The following ATP2B2 variants were observed in gnomAD, a reference collection of about 807,000 sequenced individuals.
ATP2B2 encodes the protein plasma membrane calcium-transporting ATPase 2.
In ATP2B2, 15 loss-of-function variants were observed where a neutral mutation model predicts 120.0. The observed-to-expected ratio is 0.12, with a 90% CI of 0.08 to 0.19. ATP2B2 has a LOEUF of 0.19. ATP2B2 is among the 10% of genes least tolerant of loss of function. The probability of loss-of-function intolerance (pLI) is 1.00; values close to 1 mark genes in which losing one functional copy is unlikely to be tolerated. For synonymous variants in ATP2B2, 694 were observed against 700.3 expected (o/e 0.99, Z 0.14); for missense variants, 1,045 against 1,719.8 (o/e 0.61, Z 6.94).
At chr3:10,469,485 G>A (rs1412633198) in intron 1 of ATP2B2, among the ~76,000 whole-genome samples, 2 of 152,202 alleles carry the variant, frequency 1.3e-5, no homozygotes, top group Non-Finnish European at 2.9e-5. Context: ...GATATGATTT[G>A]TTAAGCGTGG....
At chr3:10,540,456 C>T (rs1057013014) in intron 2 of ATP2B2, among the ~76,000 whole-genome samples, 3 of 152,082 alleles carry the variant, frequency 2.0e-5, no homozygotes, top group Admixed American at 1.3e-4. Context: ...ATATCAAAGA[C>T]TTGGAACCAA....
At chr3:10,468,031 C>T (rs2064823712) in intron 1 of ATP2B2, among the ~76,000 whole-genome samples, 1 of 152,222 alleles carries the variant, frequency 6.6e-6, no homozygotes, top group African/African-American at 2.4e-5. Flanking sequence ...GTGCACATGA[C>T]CTCGACACTC....
At chr3:10,600,623 A>G (rs1455065220) in intron 2 of ATP2B2, among the ~76,000 whole-genome samples, 1 of 152,220 alleles carries the variant, frequency 6.6e-6, no homozygotes, top group Non-Finnish European at 1.5e-5. Flanking sequence ...CAAACTCCAG[A>G]CGGGGCTGGT....
intron 8 of ATP2B2, among the ~76,000 whole-genome samples, chr3:10,383,873 C>T (rs1272421209): frequency 6.6e-6 from 1 of 152,204 alleles, no homozygotes; most frequent in Non-Finnish European, 1.5e-5. Context: ...ACTGGCCAGC[C>T]TGGATGGGGT....
intron 1 of ATP2B2, among the ~76,000 whole-genome samples, chr3:10,475,311 C>T (rs2065162276): frequency 6.6e-6 from 1 of 152,198 alleles, no homozygotes; most frequent in Non-Finnish European, 1.5e-5. Flanking sequence ...GGGACTTGTC[C>T]TGCAGGGGTC....
intron 1 of ATP2B2, among the ~76,000 whole-genome samples, chr3:10,651,984 TC>T (rs531861080): frequency 1.4e-4 from 21 of 152,174 alleles, no homozygotes; most frequent in Non-Finnish European, 2.8e-4. Context: ...TATACCAGGT[TC>T]AGGTTTCTGT....
At chr3:10,412,055 C>T (rs559563973) in intron 2 of ATP2B2, among the ~76,000 whole-genome samples, 1 of 152,380 alleles carries the variant, frequency 6.6e-6, no homozygotes, top group East Asian at 1.9e-4. Flanking sequence ...TCTCTTCTGA[C>T]CCGCAACCTG....
chr3:10,368,096 A>C (rs2061118369), intron 12 of ATP2B2, among the ~76,000 whole-genome samples: 2 of 152,080 alleles, frequency 1.3e-5, no homozygotes, highest in Admixed American at 1.3e-4. Context: ...ATCCCTTCCC[A>C]TTTCTCAGAG....
At chr3:10,541,456 G>T (rs1268194335) in intron 2 of ATP2B2, among the ~76,000 whole-genome samples, 1 of 151,958 alleles carries the variant, frequency 6.6e-6, no homozygotes, top group Admixed American at 6.6e-5. Context: ...ATCTTGATAG[G>T]TTCTATTTTA....
intron 2 of ATP2B2, among the ~76,000 whole-genome samples, chr3:10,587,223 T>C (rs2068530346): frequency 6.6e-6 from 1 of 152,052 alleles, no homozygotes; most frequent in African/African-American, 2.4e-5. Context: ...GAGAACCAGC[T>C]GAGCCCAGGA....
chr3:10,450,537 C>G (rs2064001690), intron 1 of ATP2B2, among the ~76,000 whole-genome samples: 1 of 152,188 alleles, frequency 6.6e-6, no homozygotes. Context: ...CCCACCTGCA[C>G]CCACAGGCCC....
intron 2 of ATP2B2, among the ~76,000 whole-genome samples, chr3:10,600,022 T>C (rs781561151): frequency 2.0e-5 from 3 of 151,824 alleles, no homozygotes; most frequent in Non-Finnish European, 4.4e-5. Flanking sequence ...GTTTCATCTG[T>C]ACCGCCTTGC....
At chr3:10,495,264 G>A (rs2066098502) in intron 1 of ATP2B2, among the ~76,000 whole-genome samples, 1 of 152,206 alleles carries the variant, frequency 6.6e-6, no homozygotes, top group Non-Finnish European at 1.5e-5. Flanking sequence ...TGGGGGAGGG[G>A]CTAATACCAT....
intron 1 of ATP2B2, among the ~76,000 whole-genome samples, chr3:10,650,986 C>A (rs372421939): frequency 6.6e-6 from 1 of 152,178 alleles, no homozygotes; most frequent in East Asian, 1.9e-4. Flanking sequence ...TTGAGTGGGG[C>A]CTGCAGCCCC....
chr3:10,444,136 G>A (rs1333904523), intron 2 of ATP2B2, among the ~76,000 whole-genome samples: 7 of 152,172 alleles, frequency 4.6e-5, no homozygotes, highest in Non-Finnish European at 8.8e-5. Flanking sequence ...ACATGAAGGC[G>A]CTGGAGTGGG....
At chr3:10,423,344 C>A (rs975184375) in intron 2 of ATP2B2, among the ~76,000 whole-genome samples, 1 of 152,178 alleles carries the variant, frequency 6.6e-6, no homozygotes, top group South Asian at 2.1e-4. Flanking sequence ...CCCAGAGACG[C>A]GGAAGCGACT....
intron 1 of ATP2B2, among the ~76,000 whole-genome samples, chr3:10,498,999 G>A (rs867531786): frequency 6.6e-6 from 1 of 152,260 alleles, no homozygotes. Flanking sequence ...AATCTTGTGA[G>A]GCAGGTTTTT....
intron 1 of ATP2B2, among the ~76,000 whole-genome samples, chr3:10,654,842 A>T (rs1423900807): frequency 1.3e-5 from 2 of 151,836 alleles, no homozygotes; most frequent in Non-Finnish European, 2.9e-5. Flanking sequence ...TGGGCCAAGG[A>T]AACTGCATTT....
intron 22 of ATP2B2, chr3:10,336,103 C>T (rs1448047166): frequency 4.5e-6 from 7 of 1,548,486 alleles, no homozygotes; most frequent in East Asian, 2.4e-5. Flanking sequence ...CAGTGCCAGC[C>T]GGAGGCAGTA....
Sources: gnomAD v4.1 joint callset for allele counts (sites outside exome capture counted in the v4.1 genomes callset) on GRCh38, gnomAD v4.1.1 for gene constraint, MANE v1.5 for transcripts, NCBI Gene and HGNC (gene_info 2026-07-23, HGNC 2026-07-21) for gene names.